The following XRCC3 variants were observed in gnomAD, a reference collection of about 807,000 sequenced individuals.
The protein encoded by XRCC3 is DNA repair protein XRCC3.
Under a neutral mutation model 29.2 loss-of-function variants are expected in XRCC3, and 34 were observed. That is an observed-to-expected ratio of 1.16 (90% CI 0.88 to 1.55). The LOEUF (loss-of-function observed/expected upper bound fraction) is 1.55, where lower values mean the gene tolerates loss of function less well. Ranked by LOEUF, XRCC3 falls within the 40% of genes most tolerant of loss-of-function variation. The pLI, the probability that XRCC3 is intolerant of heterozygous loss-of-function variation, is 0.00. For missense variants in XRCC3, 463 were observed against 467.6 expected, an observed-to-expected ratio of 0.99 and a Z score of 0.09; for synonymous variants, 223 against 211.3, an observed-to-expected ratio of 1.06 and a Z score of -0.48.
intron 4 of XRCC3, chr14:103,708,946 G>A: frequency 2.3e-6 from 1 of 425,652 alleles, no homozygotes; most frequent in Non-Finnish European, 4.4e-6. Flanking sequence ...GGGCTGGGCA[G>A]GTCCCGGTGC....
Position 103,698,743 on chromosome 14 carries a change from C to G in XRCC3, c.*55G>C. 2 of 1,503,772 alleles carry G rather than the reference C, an allele frequency of 1.3e-6. No homozygotes were observed. Among genetic ancestry groups the G allele is most frequent in the South Asian group, 2.4e-5 (2 of 83,090 alleles). 93.2% of individuals were successfully genotyped at this position (1,503,772 alleles called of 1,614,324 possible). On this transcript the variant is annotated 3_prime_UTR_variant, in exon 10 of 10. Coordinates refer to ENST00000555055, the MANE Select transcript of XRCC3 (RefSeq NM_005432.4). ...CCCAGGCAGACGCGTTTTAAAGGCC[C>G]GAGCCCCGTGTGTCGGGGCTTCTCA...
At chr14:103,709,162 C>T (rs759545144) in intron 4 of XRCC3, 41 of 272,580 alleles carry the variant, frequency 1.5e-4, no homozygotes, top group African/African-American at 6.0e-4. Flanking sequence ...CAGGTCCAAA[C>T]GCCAGCTGCG....
chr14:103,708,422 G>A, intron 5 of XRCC3, 100 bp downstream of exon 5: 1 of 1,556,070 alleles, frequency 6.4e-7, no homozygotes, highest in South Asian at 1.1e-5. Context: ...CCCTGAGGCT[G>A]GTCCCTGGGT....
In XRCC3 at chr14:103,711,523, T is replaced by G. The variant is rs1440281016; in HGVS notation, c.-216A>C. On this transcript the variant is annotated 5_prime_UTR_variant, in exon 3 of 10. Coordinates refer to ENST00000555055, the MANE Select transcript of XRCC3 (RefSeq NM_005432.4). ...TTGGCTGACTTGACTGAGGCATCTC[T>G]TGCACTCTGCAGTTTAATTTCCCTT... The G allele has an allele frequency of 2.2e-6, 1 of 462,890 alleles. No homozygotes were observed. The highest frequency in any genetic ancestry group is 4.3e-6 in the Non-Finnish European group (1 of 231,490). 28.7% of individuals were successfully genotyped at this position (462,890 alleles called of 1,614,324 possible).
chr14:103,711,921 C>T (rs930463447), intron 2 of XRCC3: 9 of 352,416 alleles, frequency 2.6e-5, no homozygotes, highest in African/African-American at 6.4e-5. Context: ...GCAGCAGCCT[C>T]GAGGGCCGGG....
At position 103,698,416 on chromosome 14, in the gene XRCC3, G is replaced by T; in HGVS notation, c.*382C>A. The T allele has an allele frequency of 3.2e-6, 1 of 310,698 alleles. No homozygotes were observed. The highest frequency in any genetic ancestry group is 8.8e-5 in the East Asian group (1 of 11,356). The allele number at this position is 310,698 out of a possible 1,614,324, so 19.2% of individuals were successfully genotyped here. On this transcript the variant is annotated 3_prime_UTR_variant, in exon 10 of 10. Coordinates refer to ENST00000555055, the MANE Select transcript of XRCC3 (RefSeq NM_005432.4). ...TGAGGGGGTCTGAGGCCCCAGCCCA[G>T]GGGGCAGGCCTCAGACGCAACCCCA...
At chr14:103,710,853 A>ACAC (rs139961690) in intron 4 of XRCC3, 180 bp downstream of exon 4, 6 of 563,364 alleles carry the variant, frequency 1.1e-5, no homozygotes, top group African/African-American at 9.6e-5. Context: ...TGTAGTTAAG[A>ACAC]ACACACACAC....
chr14:103,703,732 C>G, intron 6 of XRCC3: 1 of 295,876 alleles, frequency 3.4e-6, no homozygotes, highest in South Asian at 3.3e-5. Context: ...GGCCCCTGAG[C>G]CCCGACACAT....
chr14:103,698,214 C>G lies in XRCC3; in HGVS notation c.*584G>C, dbSNP rs1470306247. 4 of 170,344 alleles carry G rather than the reference C, an allele frequency of 2.3e-5. No individual in the cohort carries two copies. Among genetic ancestry groups the G allele is most frequent in the Non-Finnish European group, 3.8e-5 (3 of 78,702 alleles). The allele number at this position is 170,344 out of a possible 1,614,324, so 10.6% of individuals were successfully genotyped here. ...GGGATATGCTTTCTCCACCTTGTAC[C>G]ACACTGAAGTTTTGTGGGGCACAGT... On this transcript the variant is annotated 3_prime_UTR_variant, in exon 10 of 10. Coordinates refer to ENST00000555055, the MANE Select transcript of XRCC3 (RefSeq NM_005432.4).
chr14:103,699,116 C>T lies in XRCC3; in HGVS notation c.821+17G>A, dbSNP rs748493439. 6.4e-7 allele frequency: 1 copy of T among 1,571,596 alleles called. No homozygotes were observed. Among genetic ancestry groups the T allele is most frequent in the Non-Finnish European group, 8.6e-7 (1 of 1,158,944 alleles). On this transcript the variant is annotated intron_variant, in intron 9 of 9. Transcript: ENST00000555055. ...GGCACCTGCACAGAGGTGCACACAC[C>T]ACATGGCTGCACTCACCCCAGCGGC...
In XRCC3 at chr14:103,707,189, G is replaced by T; in HGVS notation, c.220C>A (p.Arg74=). 6.5e-7 allele frequency: 1 copy of T among 1,548,986 alleles called. No individual in the cohort carries two copies. The highest frequency in any genetic ancestry group is 8.7e-7 in the Non-Finnish European group (1 of 1,146,696). Residue 74 remains arginine (R), a synonymous_variant, in exon 6 of 10, where the codon CGG becomes AGG. Transcript: ENST00000555055. ...AGGCGCTGGTGCTGCGTGGGGAACCGCTCCTTCTGCTGGTGCAGCTGCAGT... is the reference window on the plus strand; with the variant it reads ...AGGCGCTGGTGCTGCGTGGGGAACCTCTCCTTCTGCTGGTGCAGCTGCAGT... ...TALQLHQQKE[R]FPTQHQRLSL... is the part of the protein sequence containing the mutation.
intron 6 of XRCC3, chr14:103,703,546 G>T: frequency 1.7e-6 from 1 of 591,650 alleles, no homozygotes; most frequent in Non-Finnish European, 3.0e-6. Context: ...TATGGGCTGG[G>T]TCTCCACTTC....
Position 103,708,305 on chromosome 14 carries a change from C to T in XRCC3, c.193+217G>A. 3.3e-5 allele frequency: 22 copies of T among 667,888 alleles called. No individual in the cohort carries two copies. In the South Asian group the frequency reaches 4.0e-4, roughly 12 times the overall value. The allele number at this position is 667,888 out of a possible 1,614,324, so 41.4% of individuals were successfully genotyped here. On this transcript the variant is annotated intron_variant, in intron 5 of 9. Coordinates refer to ENST00000555055, the MANE Select transcript of XRCC3 (RefSeq NM_005432.4). Reference sequence around the variant, plus strand: ...GGAGCAAGGTCCCCAGGAGGTCCCACAGCCCGTGTCCACCTCACGCATCTT... The same window carrying T: ...GGAGCAAGGTCCCCAGGAGGTCCCATAGCCCGTGTCCACCTCACGCATCTT...
rs201561134 is a variant in XRCC3 at position 103,703,309 on chromosome 14, G to A, written c.425C>T (p.Thr142Met). The A allele has an allele frequency of 3.0e-5, 46 of 1,553,640 alleles. No individual in the cohort carries two copies. The highest frequency in any genetic ancestry group is 4.8e-5 in the East Asian group (2 of 41,516). ...GLEAGAVYIC[T>M]EDAFPHKRLQ... Reference sequence around the variant, plus strand: ...GCGCTTGTGCGGGAAGGCGTCTTCCGTGCAGATGTAGACGGCTCCTGGGAA... The same window carrying A: ...GCGCTTGTGCGGGAAGGCGTCTTCCATGCAGATGTAGACGGCTCCTGGGAA... Residue 142 changes from threonine to methionine, a missense_variant, in exon 7 of 10, where the codon ACG becomes ATG. Physicochemically the swap from Thr to Met is moderately conservative, Grantham distance 81. Coordinates refer to ENST00000555055, the MANE Select transcript of XRCC3 (RefSeq NM_005432.4).
Position 103,711,858 on chromosome 14 carries a change from C to A in XRCC3, c.-260-291G>T, listed in dbSNP as rs561630097. 49 of 372,326 alleles carry A rather than the reference C, an allele frequency of 1.3e-4. No individual in the cohort carries two copies. The Middle Eastern group carries it at 2.9e-3, about 22-fold the overall frequency. 23.1% of individuals were successfully genotyped at this position (372,326 alleles called of 1,614,324 possible). A position where few individuals can be genotyped will look rare whatever the true frequency, so the allele number is the denominator to read the frequency against. On this transcript the variant is annotated intron_variant, in intron 2 of 9. Transcript: ENST00000555055. ...CAACAGGCCACTCTGCATCCCCTGT[C>A]GGCCTCCCAAATGGTGAGACCAAGA...
chr14:103,699,614 A>G (rs971067447), intron 7 of XRCC3, 38 bp from the exon 8 acceptor site: 1 of 1,607,270 alleles, frequency 6.2e-7, no homozygotes. Context: ...CTGGTCAGCA[A>G]GTCCCCGCCC....
In XRCC3 at chr14:103,708,631, T is replaced by C; in HGVS notation, c.84A>G (p.Leu28=). 1.9e-6 allele frequency: 3 copies of C among 1,614,168 alleles called. No homozygotes were observed. Among genetic ancestry groups the C allele is most frequent in the Non-Finnish European group, 2.5e-6 (3 of 1,180,024 alleles). The change falls in exon 5 of 10, where the codon TTA becomes TTG. Residue 28 remains leucine (L), a synonymous_variant. Transcript: ENST00000555055. ...KAKLKSVKEV[L]HFSGPDLKRL... ...TCTTCAAGTCTGGTCCAGAAAAGTG[T>C]AAAACCTCCTTTACCGATTTCAGTT...
In XRCC3 at chr14:103,699,402, T is replaced by G; in HGVS notation, c.736A>C (p.Ser246Arg). The change falls in exon 8 of 10, where the codon AGC becomes CGC. Residue 246 changes from serine (S) to arginine (R), a missense_variant. Physicochemically the swap from Ser to Arg is moderately radical, Grantham distance 110. Transcript: ENST00000555055. ...AGCACAGGGCTCTGGAAGGCACTGC[T>G]CAGCTCACGCAGCGTGGCCCCCAGG... ...QSLGATLREL[S>R]SAFQSPVLCI... is the part of the protein sequence containing the mutation. 1.2e-6 allele frequency: 2 copies of G among 1,612,068 alleles called. No individual in the cohort carries two copies. Among genetic ancestry groups the G allele is most frequent in the Non-Finnish European group, 1.7e-6 (2 of 1,179,646 alleles).
In XRCC3 at chr14:103,699,521, A is replaced by C. The variant is rs776568196; in HGVS notation, c.617T>G (p.Met206Arg). The change falls in exon 8 of 10, where the codon ATG (methionine) becomes AGG (arginine). Residue 206 changes from methionine to arginine, a missense_variant. Transcript: ENST00000555055. Reference sequence around the variant, plus strand: ...CGAGTCGATGACCACCAGGCGAGCCATGCCCCGAGACAGCAGTACGGGGAC... The same window carrying C: ...CGAGTCGATGACCACCAGGCGAGCCCTGCCCCGAGACAGCAGTACGGGGAC... ...KKVPVLLSRGMARLVVIDSVA... is the reference protein window; with the variant it reads ...KKVPVLLSRGRARLVVIDSVA... 8.3e-5 allele frequency: 134 copies of C among 1,613,250 alleles called. No individual in the cohort carries two copies. The highest frequency in any genetic ancestry group is 1.1e-4 in the Non-Finnish European group (131 of 1,179,970).
Sources: gnomAD v4.1 joint callset for allele counts on GRCh38, gnomAD v4.1.1 for gene constraint, MANE v1.5 for transcripts, NCBI Gene and HGNC (gene_info 2026-07-23, HGNC 2026-07-21) for gene names.